NPAS3: variants seen among roughly 807,000 people sequenced by gnomAD.
NPAS3 encodes the protein neuronal PAS domain protein 3, also known as neuronal PAS domain-containing protein 3.
Under a neutral mutation model 73.1 loss-of-function variants are expected in NPAS3, and 14 were observed. The ratio of observed to expected loss-of-function variants is 0.19; its 90% CI spans 0.13 to 0.30. The LOEUF (loss-of-function observed/expected upper bound fraction) is 0.30, where lower values mean the gene tolerates loss of function less well. Ranked by LOEUF, NPAS3 falls within the 10% of genes least tolerant of loss-of-function variation. The probability of loss-of-function intolerance (pLI) is 1.00; values close to 1 mark genes in which losing one functional copy is unlikely to be tolerated. For missense variants in NPAS3, 1,096 were observed against 1,250.0 expected (o/e 0.88, Z 1.86); for synonymous variants, 620 against 541.5 (o/e 1.14, Z -2.01).
intron 6 of NPAS3, among the ~76,000 whole-genome samples, chr14:33,713,914 A>G (rs147004012): frequency 3.3e-5 from 5 of 152,126 alleles, no homozygotes; most frequent in South Asian, 2.1e-4. Context: ...CCTCCTTGCT[A>G]TTCCTCAAAC....
Position 33,680,085 on chromosome 14 carries a change from C to A in NPAS3, c.733+3700C>A, listed in dbSNP as rs944632383. On this transcript the variant is annotated intron_variant, in intron 6 of 11. Coordinates refer to ENST00000356141, the Ensembl canonical transcript of NPAS3. The stretch of plus-strand genomic sequence containing the variant: ...CCGCAGTATGAGGAGCACAGAACCT[C>A]TGACCAATGGCATTTGGAGGGTTTT... 2.6e-5 allele frequency among the ~76,000 whole-genome samples: 4 copies of A among 152,178 alleles called. 1 individual carries two copies. Among genetic ancestry groups the A allele is most frequent in the Admixed American group, 1.3e-4 (2 of 15,280 alleles).
chr14:33,264,588 T>A (rs1312592776), intron 3 of NPAS3, among the ~76,000 whole-genome samples: 1 of 152,154 alleles, frequency 6.6e-6, no homozygotes, highest in Non-Finnish European at 1.5e-5. Context: ...GAGAGGTAGA[T>A]ATAATGAGAA....
chr14:33,800,539 C>G lies in NPAS3; in HGVS notation c.2232C>G (p.Ser744=). Reference sequence around the variant, plus strand: ...CCGCGGCCCTGGCCCCCGTCGCCTCCGACCCGCTGTCACCCCCGCTCTCGG... The same window carrying G: ...CCGCGGCCCTGGCCCCCGTCGCCTCGGACCCGCTGTCACCCCCGCTCTCGG... The change falls in exon 12 of 12, where the codon TCC becomes TCG. Residue 744 remains serine (S), a synonymous_variant. Coordinates refer to ENST00000356141, the Ensembl canonical transcript of NPAS3. The surrounding 1 kb of genome is among the most constrained non-coding windows in gnomAD (Gnocchi z 6.5). The G allele has an allele frequency of 7.3e-7, 1 of 1,362,776 alleles. No homozygotes were observed. Among genetic ancestry groups the G allele is most frequent in the Non-Finnish European group, 9.4e-7 (1 of 1,065,528 alleles). 84.4% of individuals were successfully genotyped at this position (1,362,776 alleles called of 1,614,324 possible).
At chr14:33,678,670 G>A (rs967612428) in intron 6 of NPAS3, among the ~76,000 whole-genome samples, 52 of 151,080 alleles carry the variant, frequency 3.4e-4, no homozygotes, top group African/African-American at 1.3e-3. Flanking sequence ...GTTAAATTTG[G>A]TCTTCTTGGA....
intron 1 of NPAS3, among the ~76,000 whole-genome samples, chr14:33,044,899 A>G (rs1335726878): frequency 6.6e-6 from 1 of 152,182 alleles, no homozygotes; most frequent in Non-Finnish European, 1.5e-5. Context: ...TATCAGCCTC[A>G]GGTGAGTGGC....
intron 2 of NPAS3, among the ~76,000 whole-genome samples, chr14:33,192,795 G>A (rs369779659): frequency 2.6e-5 from 4 of 152,276 alleles, no homozygotes; most frequent in South Asian, 2.1e-4. Flanking sequence ...CTGTCGAGAC[G>A]TAGACAATTC....
intron 1 of NPAS3, among the ~76,000 whole-genome samples, chr14:32,983,714 A>AATT (rs1261872485): frequency 4.0e-5 from 6 of 151,812 alleles, no homozygotes; most frequent in Admixed American, 2.0e-4. Context: ...AATGAAATAG[A>AATT]ATTATTATTA....
chr14:33,109,864 T>C (rs939275779), intron 2 of NPAS3, among the ~76,000 whole-genome samples: 4 of 137,678 alleles, frequency 2.9e-5, no homozygotes, highest in African/African-American at 8.1e-5. Context: ...GCTCCCAGGC[T>C]GGAGTGCACT....
chr14:33,446,863 G>A (rs998939517), intron 4 of NPAS3, among the ~76,000 whole-genome samples: 1 of 152,174 alleles, frequency 6.6e-6, no homozygotes, highest in Non-Finnish European at 1.5e-5. Context: ...GCTACCTAGT[G>A]TTTTCTAATA....
chr14:33,080,771 T>C (rs1266265974), intron 2 of NPAS3, among the ~76,000 whole-genome samples: 1 of 152,194 alleles, frequency 6.6e-6, no homozygotes, highest in African/African-American at 2.4e-5. Flanking sequence ...CAGGAAAGCG[T>C]GTAAGAGCTG....
rs553122039 is a variant in NPAS3 at position 33,131,493 on chromosome 14, T to G, written c.140+75499T>G. On this transcript the variant is annotated intron_variant, in intron 2 of 11. Coordinates refer to ENST00000356141, the Ensembl canonical transcript of NPAS3. ...AAAACGCCCAGCTGAGGTTACATCC[T>G]TTATTTTACATGTACAGTATTTAAT... Among the ~76,000 whole-genome samples the G allele has an allele frequency of 1.2e-4, 18 of 152,138 alleles. No homozygotes were observed. In the East Asian group the frequency reaches 3.3e-3, roughly 28 times the overall value.
At position 33,800,063 on chromosome 14, in the gene NPAS3, G is replaced by A. The variant is rs781615000; in HGVS notation, c.1756G>A (p.Ala586Thr). 40 of 1,603,406 alleles carry A rather than the reference G, an allele frequency of 2.5e-5. No homozygotes were observed. The highest frequency in any genetic ancestry group is 3.1e-5 in the Non-Finnish European group (36 of 1,177,802). Reference sequence around the variant, plus strand: ...CGACAGCGCCAAGGACTCGGACAGCGCAGGCGAGGCGGGCGCGCAGGCCTC... The same window carrying A: ...CGACAGCGCCAAGGACTCGGACAGCACAGGCGAGGCGGGCGCGCAGGCCTC... Residue 586 changes from alanine to threonine, a missense_variant, in exon 12 of 12, where the codon GCA (alanine) becomes ACA (threonine). Ala to Thr is a moderately conservative substitution (Grantham distance 58, BLOSUM62 0). This residue lies in a region of NPAS3 where 698 missense variants were observed against 676.7 expected (regional missense o/e 1.03). Transcript: ENST00000356141. This position sits in a 1 kb window ranked among gnomAD's most constrained non-coding sequence, Gnocchi z 6.5.
intron 2 of NPAS3, among the ~76,000 whole-genome samples, chr14:33,179,979 G>A (rs2045732550): frequency 6.6e-6 from 1 of 152,158 alleles, no homozygotes; most frequent in African/African-American, 2.4e-5. Context: ...ATTCTGCCAA[G>A]CAACAAATAA....
chr14:32,945,663 G>C (rs2036220008), intron 1 of NPAS3, among the ~76,000 whole-genome samples: 1 of 152,192 alleles, frequency 6.6e-6, no homozygotes, highest in Non-Finnish European at 1.5e-5. Flanking sequence ...GCCAATATCA[G>C]AGAGTTCCAA....
chr14:33,095,657 C>CTTTTTTT (rs201283993), intron 2 of NPAS3, among the ~76,000 whole-genome samples: 1,077 of 97,560 alleles, frequency 0.011, 245 homozygotes, highest in African/African-American at 0.027. Flanking sequence ...GCATTCTCTG[C>CTTTTTTT]TTTTATTTTT....
rs374169355 is a variant in NPAS3 at position 33,550,593 on chromosome 14, C to T, written c.469-9528C>T. 7.7e-4 allele frequency among the ~76,000 whole-genome samples: 117 copies of T among 152,348 alleles called. 2 individuals carry two copies. In the South Asian group the frequency reaches 0.015, roughly 20 times the overall value. ...GGATAAGAGCTCTGTGGACAGGCAG[C>T]GTACGCTGGTCCTTCTCACCTAGAC... On this transcript the variant is annotated intron_variant, in intron 4 of 11. Transcript: ENST00000356141.
At chr14:33,057,424 T>C (rs1263562184) in intron 2 of NPAS3, among the ~76,000 whole-genome samples, 1 of 152,212 alleles carries the variant, frequency 6.6e-6, no homozygotes, top group Non-Finnish European at 1.5e-5. Flanking sequence ...ATCCTTTTGT[T>C]GTATAAGAAG....
chr14:33,464,415 T>A (rs1266911433), intron 4 of NPAS3, among the ~76,000 whole-genome samples: 2 of 152,152 alleles, frequency 1.3e-5, no homozygotes, highest in Admixed American at 1.3e-4. Flanking sequence ...AATAGCTCCC[T>A]CCTGGCTATA....
chr14:33,162,538 T>C (rs1471246412), intron 2 of NPAS3, among the ~76,000 whole-genome samples: 2 of 152,222 alleles, frequency 1.3e-5, no homozygotes, highest in African/African-American at 2.4e-5. Context: ...TTAGCATCTA[T>C]AAATGTGCCT....
Sources: gnomAD v4.1 joint callset for allele counts (sites outside exome capture counted in the v4.1 genomes callset) on GRCh38, gnomAD v4.1.1 for gene constraint, gnomAD v4.1.1 regional missense constraint, Gnocchi (gnomAD v3.1) non-coding constraint, MANE v1.5 for transcripts, NCBI Gene and HGNC (gene_info 2026-07-23, HGNC 2026-07-21) for gene names.